The following ABCA13 variants were observed in gnomAD, a reference collection of about 807,000 sequenced individuals.
ABCA13 encodes the protein ATP-binding cassette sub-family A member 13.
In ABCA13, 476 loss-of-function variants were observed where a neutral mutation model predicts 478.7. The ratio of observed to expected loss-of-function variants is 0.99; its 90% CI spans 0.92 to 1.07. The LOEUF (loss-of-function observed/expected upper bound fraction) is 1.07, where lower values mean the gene tolerates loss of function less well. Ranked by LOEUF, ABCA13 falls within the 50% of genes least tolerant of loss-of-function variation. The pLI, the probability that ABCA13 is intolerant of heterozygous loss-of-function variation, is 0.00. For synonymous variants in ABCA13, 2,252 were observed against 2,158.9 expected (o/e 1.04, Z -1.20); for missense variants, 6,060 against 5,910.6 (o/e 1.03, Z -0.83).
chr7:48,305,816 C>T lies in ABCA13; in HGVS notation c.9322-4131C>T, dbSNP rs572932056. ...GCCAAGTGTGTATGAGCCAGGCTCG[C>T]AGGGCAGAGAGGCATCGCCCTGGAT... is the stretch of plus-strand genomic sequence containing the variant. On this transcript the variant is annotated intron_variant, in intron 23 of 61. Transcript: ENST00000435803. 2.0e-5 allele frequency among the ~76,000 whole-genome samples: 3 copies of T among 152,330 alleles called. No homozygotes were observed. The East Asian group carries it at 5.8e-4, about 29-fold the overall frequency.
rs568827169 is a variant in ABCA13 at position 48,381,987 on chromosome 7, A to G, written c.11335+5415A>G. Among the ~76,000 whole-genome samples the G allele has an allele frequency of 1.9e-3, 292 of 152,356 alleles. 3 individuals carry two copies. The highest frequency in any genetic ancestry group is 3.7e-3 in the Non-Finnish European group (254 of 68,028). ...GGCAGCTCTCTGCTTTAGTTAGATT[A>G]GTAGATTAATTAGGGGGTTTTAAAA... On this transcript the variant is annotated intron_variant, in intron 35 of 61. Transcript: ENST00000435803.
chr7:48,465,683 G>A (rs4917148), intron 43 of ABCA13, among the ~76,000 whole-genome samples: 24,064 of 151,908 alleles, frequency 0.16, 2,061 homozygotes, highest in East Asian at 0.23. Context: ...TATTTATAAT[G>A]TCTTACTTTG....
At chr7:48,459,078 C>T (rs1239651352) in intron 43 of ABCA13, among the ~76,000 whole-genome samples, 2 of 152,144 alleles carry the variant, frequency 1.3e-5, no homozygotes, top group Admixed American at 6.5e-5. Context: ...TTCTCCCTCC[C>T]CACTAAGAAG....
At chr7:48,231,499 C>G (rs1005525786) in intron 7 of ABCA13, among the ~76,000 whole-genome samples, 1 of 152,010 alleles carries the variant, frequency 6.6e-6, no homozygotes, top group African/African-American at 2.4e-5. Context: ...GGCCAAAACA[C>G]GAGTGGCCAT....
At chr7:48,491,016 A>C (rs1829792478) in intron 48 of ABCA13, among the ~76,000 whole-genome samples, 1 of 152,202 alleles carries the variant, frequency 6.6e-6, no homozygotes, top group Non-Finnish European at 1.5e-5. Flanking sequence ...AGATTGAGGC[A>C]CTAGGGATGG....
At chr7:48,396,867 C>T (rs1180775048) in intron 38 of ABCA13, among the ~76,000 whole-genome samples, 1 of 152,154 alleles carries the variant, frequency 6.6e-6, no homozygotes, top group Non-Finnish European at 1.5e-5. Context: ...TGGGGCATTT[C>T]TCTTGAAGGA....
chr7:48,547,138 A>G lies in ABCA13; in HGVS notation c.14354+18793A>G, dbSNP rs569910116. Among the ~76,000 whole-genome samples, 3 of 151,762 alleles carry G rather than the reference A, an allele frequency of 2.0e-5. No individual in the cohort carries two copies. The East Asian group carries it at 5.8e-4, about 29-fold the overall frequency. ...CATGTACACATGCTTGCATGTACAT[A>G]TACACAAAAATGCTCATATACAGTG... is the stretch of plus-strand genomic sequence containing the variant. On this transcript the variant is annotated intron_variant, in intron 55 of 61. Coordinates refer to ENST00000435803, the MANE Select transcript of ABCA13 (RefSeq NM_152701.5).
intron 43 of ABCA13, among the ~76,000 whole-genome samples, chr7:48,462,446 C>CT (rs909625062): frequency 1.3e-5 from 2 of 151,718 alleles, no homozygotes; most frequent in African/African-American, 4.9e-5. Context: ...AAAGGATTCC[C>CT]CCCCCCCTAC....
chr7:48,497,644 A>G (rs1830389863), intron 48 of ABCA13, among the ~76,000 whole-genome samples: 4 of 152,306 alleles, frequency 2.6e-5, no homozygotes, highest in Admixed American at 2.0e-4. Context: ...AAGGTAGAGA[A>G]CTGACTTACA....
intron 23 of ABCA13, among the ~76,000 whole-genome samples, chr7:48,303,516 C>A (rs1010236014): frequency 6.6e-6 from 1 of 151,966 alleles, no homozygotes; most frequent in African/African-American, 2.4e-5. Flanking sequence ...TTTTGTATAG[C>A]ATAAGGAAGA....
intron 1 of ABCA13, among the ~76,000 whole-genome samples, chr7:48,173,301 A>G (rs1167786088): frequency 6.6e-6 from 1 of 152,218 alleles, no homozygotes; most frequent in Admixed American, 6.5e-5. Flanking sequence ...ATCCTACATT[A>G]GTATGTTACA....
intron 38 of ABCA13, among the ~76,000 whole-genome samples, chr7:48,396,606 C>T (rs1000848441): frequency 3.9e-5 from 6 of 152,132 alleles, no homozygotes; most frequent in Non-Finnish European, 7.3e-5. Flanking sequence ...ACCCACTAGG[C>T]GGAGAGAGGG....
chr7:48,619,863 T>C (rs1792963438), intron 59 of ABCA13, among the ~76,000 whole-genome samples: 1 of 152,156 alleles, frequency 6.6e-6, no homozygotes, highest in African/African-American at 2.4e-5. Context: ...AGGGCTCTTA[T>C]ATCACAGGGA....
intron 6 of ABCA13, among the ~76,000 whole-genome samples, chr7:48,228,569 TGAG>T (rs1788591720): frequency 6.6e-6 from 1 of 152,096 alleles, no homozygotes; most frequent in Non-Finnish European, 1.5e-5. Context: ...CAGACCAAGC[TGAG>T]GGTGGGGAGC....
intron 42 of ABCA13, among the ~76,000 whole-genome samples, chr7:48,440,946 A>G (rs1325882081): frequency 6.6e-6 from 1 of 152,214 alleles, no homozygotes; most frequent in African/African-American, 2.4e-5. Context: ...AAAATATGAC[A>G]TAAAAATGTA....
Position 48,276,165 on chromosome 7 carries a change from A to C in ABCA13, c.6499A>C (p.Thr2167Pro). 8.1e-6 allele frequency: 13 copies of C among 1,595,304 alleles called. No individual in the cohort carries two copies. Among genetic ancestry groups the C allele is most frequent in the Non-Finnish European group, 1.1e-5 (13 of 1,171,086 alleles). ...AGCTTTGTTAGCCAAAGCTATTGCT[A>C]CTTTTTGGGGCTCTTTAAAAAATAT... ...DIALLAKAIA[T>P]FWGSLKNISR... Residue 2167 changes from threonine to proline, a missense_variant, in exon 17 of 62, where the codon ACT (threonine) becomes CCT (proline). Physicochemically the swap from Thr to Pro is conservative, Grantham distance 38. Coordinates refer to ENST00000435803, the MANE Select transcript of ABCA13 (RefSeq NM_152701.5).
intron 35 of ABCA13, among the ~76,000 whole-genome samples, chr7:48,387,575 T>C (rs941214415): frequency 6.6e-6 from 1 of 152,090 alleles, no homozygotes; most frequent in Admixed American, 6.5e-5. Context: ...ACTCTAAAGA[T>C]AAAGTCTTGG....
At position 48,273,573 on chromosome 7, in the gene ABCA13, G is replaced by A. The variant is rs773972482; in HGVS notation, c.3907G>A (p.Asp1303Asn). The A allele has an allele frequency of 6.9e-6, 11 of 1,584,030 alleles. No homozygotes were observed. Among genetic ancestry groups the A allele is most frequent in the Admixed American group, 1.8e-5 (1 of 55,034 alleles). The change falls in exon 17 of 62, where the codon GAT becomes AAT. Residue 1303 changes from aspartate (D) to asparagine (N), a missense_variant. By Grantham distance (23) the Asp-to-Asn change is conservative. Transcript: ENST00000435803. ...CTCAGAATATATAGTCAGAAATCTA[G>A]ATTCAATAAATGACTTTCTTTCAAA... ...STSEYIVRNL[D>N]SINDFLSNNL...
intron 29 of ABCA13, among the ~76,000 whole-genome samples, chr7:48,347,766 G>A (rs1452356195): frequency 6.6e-6 from 1 of 152,204 alleles, no homozygotes; most frequent in Non-Finnish European, 1.5e-5. Context: ...GCAAGATAAA[G>A]GCAGTGGAGT....
Sources: gnomAD v4.1 joint callset for allele counts (sites outside exome capture counted in the v4.1 genomes callset) on GRCh38, gnomAD v4.1.1 for gene constraint, MANE v1.5 for transcripts, NCBI Gene and HGNC (gene_info 2026-07-23, HGNC 2026-07-21) for gene names.